ACTR3B: variants seen among roughly 807,000 people sequenced by gnomAD.
ACTR3B encodes actin related protein 3B.
ACTR3B carries 8 observed loss-of-function variants against 59.0 expected under a neutral mutation model. The observed-to-expected ratio is 0.14, with a 90% CI of 0.08 to 0.24. ACTR3B has a LOEUF of 0.24. ACTR3B is among the 10% of genes least tolerant of loss of function. The probability of loss-of-function intolerance (pLI) is 1.00; values close to 1 mark genes in which losing one functional copy is unlikely to be tolerated. For synonymous variants in ACTR3B, 148 were observed against 197.9 expected, an observed-to-expected ratio of 0.75 and a Z score of 2.12; for missense variants, 245 against 552.3, an observed-to-expected ratio of 0.44 and a Z score of 5.58.
In ACTR3B at chr7:152,785,763, G is replaced by A. The variant is rs1184243277; in HGVS notation, c.100+2521G>A. Among the ~76,000 whole-genome samples the A allele has an allele frequency of 5.2e-5, 3 of 58,124 alleles. No individual in the cohort carries two copies. The Admixed American group carries it at 5.7e-4, about 11-fold the overall frequency. The allele number at this position is 58,124 out of a possible 152,430, so 38.1% of individuals were successfully genotyped here. ...GTGCTGTGGGGGTGTGGAGAAGCAG[G>A]GGTGCTGTGGGATGGTGGGGAGAGC... On this transcript the variant is annotated intron_variant, in intron 2 of 11. Coordinates refer to ENST00000256001, the MANE Select transcript of ACTR3B (RefSeq NM_020445.6).
chr7:152,777,144 A>G (rs182556307), intron 1 of ACTR3B, among the ~76,000 whole-genome samples: 49 of 152,336 alleles, frequency 3.2e-4, no homozygotes, highest in Admixed American at 7.8e-4. Flanking sequence ...GTGACCCTTT[A>G]TAATGGCTCT....
At chr7:152,782,950 G>A (rs1397895112) in intron 1 of ACTR3B, among the ~76,000 whole-genome samples, 1 of 149,384 alleles carries the variant, frequency 6.7e-6, no homozygotes, top group Non-Finnish European at 1.5e-5. Context: ...GTATATATGT[G>A]TTTCTTTTTT....
chr7:152,767,039 C>T lies in ACTR3B; in HGVS notation c.44+7113C>T, dbSNP rs1464120898. 8.6e-5 allele frequency among the ~76,000 whole-genome samples: 13 copies of T among 150,818 alleles called. No individual in the cohort carries two copies. The East Asian group carries it at 9.8e-4, about 11-fold the overall frequency. On this transcript the variant is annotated intron_variant, in intron 1 of 11. Transcript: ENST00000256001. ...CTGACCTCAGGTGATCCACCTGCCT[C>T]GGCCTCCCAAAGTGCTGGGATTATA...
Position 152,801,018 on chromosome 7 carries a change from A to T in ACTR3B, c.225+363A>T, listed in dbSNP as rs1414765683. ...TTATTTAAGCAGACTTTTTTTTTTTAAAGCTCCAGATCCAATTGTATGATA... is the reference window on the plus strand; with the variant it reads ...TTATTTAAGCAGACTTTTTTTTTTTTAAGCTCCAGATCCAATTGTATGATA... On this transcript the variant is annotated intron_variant, in intron 3 of 11. Coordinates refer to ENST00000256001, the MANE Select transcript of ACTR3B (RefSeq NM_020445.6). 7.3e-5 allele frequency among the ~76,000 whole-genome samples: 11 copies of T among 150,732 alleles called. No individual in the cohort carries two copies. In the East Asian group the frequency reaches 2.1e-3, roughly 29 times the overall value.
At chr7:152,814,723 T>G in intron 5 of ACTR3B, 78 bp downstream of exon 5, 1 of 1,193,810 alleles carries the variant, frequency 8.4e-7, no homozygotes, top group Non-Finnish European at 1.2e-6. Context: ...CCCAAGGTTC[T>G]CCGCTGGAAG....
rs558867389 is a variant in ACTR3B, at chr7:152,791,123, G to C, written c.100+7881G>C. Among the ~76,000 whole-genome samples the C allele has an allele frequency of 2.7e-3, 408 of 150,460 alleles. 1 individual carries two copies. The highest frequency in any genetic ancestry group is 3.7e-3 in the Non-Finnish European group (251 of 67,830). On this transcript the variant is annotated intron_variant, in intron 2 of 11. Transcript: ENST00000256001. ...TCACCTCCTGGGTTCAAGCAATTCT[G>C]CCTCAGCCTCCCAAGTAGCTGGGAT...
intron 4 of ACTR3B, chr7:152,810,926 T>C (rs1402712192): frequency 3.3e-5 from 5 of 152,070 alleles, no homozygotes. Context: ...AAAAAAGTTT[T>C]CATTACAAAT....
chr7:152,854,291 TC>T lies in ACTR3B; in HGVS notation c.1162-163del, dbSNP rs1260335663. On this transcript the variant is annotated intron_variant, in intron 11 of 11. Coordinates refer to ENST00000256001, the MANE Select transcript of ACTR3B (RefSeq NM_020445.6). This position sits in a 1 kb window ranked among gnomAD's most constrained non-coding sequence, Gnocchi z 4.9. The stretch of plus-strand genomic sequence containing the variant: ...TGAAATTTCTAAAAAGTGAAATAAC[TC>T]CCCATTTAGTAGTTTAGTACATCAG... 6.6e-6 allele frequency among the ~76,000 whole-genome samples: 1 copy of T among 152,072 alleles called. No homozygotes were observed. Among genetic ancestry groups the T allele is most frequent in the Non-Finnish European group, 1.5e-5 (1 of 68,014 alleles).
At chr7:152,804,080 C>T (rs1353620996) in intron 4 of ACTR3B, among the ~76,000 whole-genome samples, 1 of 152,132 alleles carries the variant, frequency 6.6e-6, no homozygotes, top group Non-Finnish European at 1.5e-5. Context: ...GATGGCCGTG[C>T]CCAGTCATCT....
chr7:152,784,086 G>A (rs1413332852), intron 2 of ACTR3B, among the ~76,000 whole-genome samples: 6 of 149,410 alleles, frequency 4.0e-5, no homozygotes, highest in African/African-American at 7.4e-5. Context: ...GTGAAACTCC[G>A]TCTCAAAAAA....
chr7:152,763,133 T>C (rs1563066219), intron 1 of ACTR3B, among the ~76,000 whole-genome samples: 2 of 151,834 alleles, frequency 1.3e-5, no homozygotes, highest in Non-Finnish European at 2.9e-5. Context: ...CTGGCCAACA[T>C]GGTGAAACCC....
intron 2 of ACTR3B, among the ~76,000 whole-genome samples, chr7:152,784,100 A>AG (rs1189788472): frequency 1.3e-5 from 2 of 152,178 alleles, no homozygotes; most frequent in Non-Finnish European, 2.9e-5. Flanking sequence ...CAAAAAAAAA[A>AG]AAAGATAGGA....
chr7:152,792,842 G>T (rs1331493409), intron 2 of ACTR3B, among the ~76,000 whole-genome samples: 2 of 152,120 alleles, frequency 1.3e-5, no homozygotes, highest in African/African-American at 4.8e-5. Context: ...TAGGTGTGCT[G>T]TTGACAAATT....
intron 11 of ACTR3B, among the ~76,000 whole-genome samples, chr7:152,853,875 C>T (rs1350749542): frequency 1.3e-5 from 2 of 152,032 alleles, no homozygotes; most frequent in Non-Finnish European, 2.9e-5. Flanking sequence ...CACCACCATG[C>T]CCGGCTCATT....
chr7:152,834,592 T>C (rs3111462), intron 9 of ACTR3B, among the ~76,000 whole-genome samples: 2 of 152,384 alleles, frequency 1.3e-5, no homozygotes, highest in East Asian at 1.9e-4. Context: ...TCTTAAGCGA[T>C]TGAAATTCTT....
intron 1 of ACTR3B, among the ~76,000 whole-genome samples, chr7:152,764,943 C>T (rs922414138): frequency 1.3e-5 from 2 of 151,974 alleles, no homozygotes; most frequent in Admixed American, 6.6e-5. Context: ...TACCACACAC[C>T]GGGTAATTTA....
intron 9 of ACTR3B, among the ~76,000 whole-genome samples, chr7:152,849,314 C>T (rs1189852294): frequency 6.6e-6 from 1 of 152,152 alleles, no homozygotes; most frequent in Admixed American, 6.5e-5. Context: ...GTGGGGCCGA[C>T]ACCAAGGAAC....
chr7:152,853,972 C>G (rs1467222286), intron 11 of ACTR3B, among the ~76,000 whole-genome samples: 2 of 152,080 alleles, frequency 1.3e-5, no homozygotes, highest in Non-Finnish European at 2.9e-5. Flanking sequence ...GATCCACCCC[C>G]CTGCCTTGGC....
chr7:152,822,836 C>G (rs1193443280), intron 7 of ACTR3B, among the ~76,000 whole-genome samples: 1 of 152,238 alleles, frequency 6.6e-6, no homozygotes, highest in Non-Finnish European at 1.5e-5. Context: ...TAACAACCAG[C>G]AGGTTGACAG....
Sources: allele counts gnomAD v4.1 joint callset (sites outside exome capture counted in the v4.1 genomes callset), GRCh38; gene constraint gnomAD v4.1.1; non-coding constraint Gnocchi (gnomAD v3.1); transcripts MANE v1.5; gene names NCBI Gene and HGNC (gene_info 2026-07-23, HGNC 2026-07-21).